Variants in KCNIP4 observed in about 807,000 individuals in gnomAD.
KCNIP4 encodes the protein Kv channel-interacting protein 4.
A neutral mutation model predicts 34.0 loss-of-function variants in KCNIP4; 12 were observed. The observed-to-expected ratio is 0.35, with a 90% CI of 0.23 to 0.57. The LOEUF (loss-of-function observed/expected upper bound fraction) is 0.57, where lower values mean the gene tolerates loss of function less well. Ranked by LOEUF, KCNIP4 falls within the 20% of genes least tolerant of loss-of-function variation. KCNIP4 has a pLI of 0.83. For synonymous variants in KCNIP4, 124 were observed against 102.2 expected, an observed-to-expected ratio of 1.21 and a Z score of -1.29; for missense variants, 238 against 311.7, an observed-to-expected ratio of 0.76 and a Z score of 1.78.
At chr4:21,137,557 T>C (rs979465310) in intron 1 of KCNIP4, among the ~76,000 whole-genome samples, 1 of 152,212 alleles carries the variant, frequency 6.6e-6, no homozygotes, top group Non-Finnish European at 1.5e-5. Context: ...TCTTATCATC[T>C]AGTCAAAATG....
intron 1 of KCNIP4, among the ~76,000 whole-genome samples, chr4:20,996,129 A>G (rs1313092590): frequency 2.0e-5 from 3 of 152,296 alleles, no homozygotes; most frequent in Middle Eastern, 3.4e-3. Flanking sequence ...AAATCCAATC[A>G]ACAAATCCCA....
intron 1 of KCNIP4, among the ~76,000 whole-genome samples, chr4:20,982,053 A>G (rs900472485): frequency 7.9e-5 from 12 of 152,232 alleles, no homozygotes; most frequent in African/African-American, 2.7e-4. Flanking sequence ...ACTTTAAGTG[A>G]TATGAAACAG....
chr4:21,457,447 A>T (rs1729051060), intron 1 of KCNIP4, among the ~76,000 whole-genome samples: 1 of 152,040 alleles, frequency 6.6e-6, no homozygotes, highest in African/African-American at 2.4e-5. Flanking sequence ...ATTTTCAGAG[A>T]ATCCTTCAAC....
In KCNIP4 at chr4:21,132,524, A is replaced by G. The variant is rs551514922; in HGVS notation, c.62-249815T>C. The stretch of plus-strand genomic sequence containing the variant: ...ATTAAAAGTGCCTCATTTCTCTCTC[A>G]GAGGTGTCTTGGTTTTGAAAATAAT... On this transcript the variant is annotated intron_variant, in intron 1 of 8. Coordinates refer to ENST00000382152, the MANE Select transcript of KCNIP4 (RefSeq NM_025221.6). 1.5e-3 allele frequency among the ~76,000 whole-genome samples: 224 copies of G among 152,252 alleles called. 1 individual carries two copies. Among genetic ancestry groups the G allele is most frequent in the African/African-American group, 5.1e-3 (210 of 41,548 alleles).
intron 1 of KCNIP4, among the ~76,000 whole-genome samples, chr4:21,167,005 C>T (rs1233044842): frequency 7.1e-6 from 1 of 140,602 alleles, no homozygotes; most frequent in East Asian, 2.2e-4. Flanking sequence ...AACTGTTGTA[C>T]ATTTCTATAA....
At chr4:20,984,908 G>T (rs1260991152) in intron 1 of KCNIP4, among the ~76,000 whole-genome samples, 1 of 151,404 alleles carries the variant, frequency 6.6e-6, no homozygotes, top group African/African-American at 2.5e-5. Flanking sequence ...TGGAGTGTGT[G>T]TTATTAAGAA....
At chr4:20,776,134 AAAT>A (rs1385254978) in intron 3 of KCNIP4, among the ~76,000 whole-genome samples, 1 of 152,152 alleles carries the variant, frequency 6.6e-6, no homozygotes, top group Non-Finnish European at 1.5e-5. Flanking sequence ...ATTTATTTGC[AAAT>A]ATTATGAAGG....
intron 1 of KCNIP4, among the ~76,000 whole-genome samples, chr4:21,779,655 G>C (rs556176305): frequency 6.6e-6 from 1 of 152,244 alleles, no homozygotes; most frequent in African/African-American, 2.4e-5. Flanking sequence ...TGTAATCCCA[G>C]TGCTTTGTGA....
intron 1 of KCNIP4, among the ~76,000 whole-genome samples, chr4:21,207,817 T>C (rs1756949182): frequency 6.8e-6 from 1 of 147,688 alleles, no homozygotes; most frequent in Admixed American, 6.8e-5. Flanking sequence ...TTTCATTTTC[T>C]TTTTTTTTTC....
In KCNIP4 at chr4:21,388,349, C is replaced by T. The variant is rs1414526245; in HGVS notation, c.62-505640G>A. ...AACTATACCTCTGAATCTGAATTTT[C>T]TAGGCTGTATATGACATAAGAAGTG... On this transcript the variant is annotated intron_variant, in intron 1 of 8. Transcript: ENST00000382152. Among the ~76,000 whole-genome samples the T allele has an allele frequency of 2.0e-5, 3 of 151,534 alleles. No homozygotes were observed. The East Asian group carries it at 5.8e-4, about 29-fold the overall frequency.
At chr4:21,452,790 GA>G (rs938491873) in intron 1 of KCNIP4, among the ~76,000 whole-genome samples, 46 of 149,940 alleles carry the variant, frequency 3.1e-4, no homozygotes, top group Admixed American at 4.7e-4. Context: ...AAAAGAGAAG[GA>G]AAAAAAACAG....
At chr4:21,667,653 C>T (rs768550755) in intron 1 of KCNIP4, among the ~76,000 whole-genome samples, 2 of 152,206 alleles carry the variant, frequency 1.3e-5, no homozygotes, top group African/African-American at 2.4e-5. Flanking sequence ...ATGACCACTT[C>T]CTTATTCCAC....
At chr4:21,450,120 G>T (rs528337161) in intron 1 of KCNIP4, among the ~76,000 whole-genome samples, 3 of 152,204 alleles carry the variant, frequency 2.0e-5, no homozygotes, top group South Asian at 4.1e-4. Context: ...AACAAAGGAT[G>T]CCAGGGAAGC....
intron 1 of KCNIP4, among the ~76,000 whole-genome samples, chr4:20,896,147 C>T (rs1011905271): frequency 6.6e-6 from 1 of 152,100 alleles, no homozygotes; most frequent in Non-Finnish European, 1.5e-5. Context: ...AGGAGCTGCC[C>T]CTTTCACACA....
chr4:20,944,413 A>G (rs1731973080), intron 1 of KCNIP4, among the ~76,000 whole-genome samples: 1 of 152,222 alleles, frequency 6.6e-6, no homozygotes, highest in African/African-American at 2.4e-5. Flanking sequence ...CTACTGAGCA[A>G]TCAGCTATGA....
intron 1 of KCNIP4, among the ~76,000 whole-genome samples, chr4:21,054,848 T>C (rs2108956959): frequency 6.6e-6 from 1 of 152,208 alleles, no homozygotes; most frequent in Non-Finnish European, 1.5e-5. Context: ...CTAGAAGACC[T>C]TGAGAATGGT....
intron 1 of KCNIP4, among the ~76,000 whole-genome samples, chr4:21,465,377 C>G (rs564211311): frequency 6.6e-6 from 1 of 152,212 alleles, no homozygotes; most frequent in Non-Finnish European, 1.5e-5. Context: ...TTTCTGTCCA[C>G]AGGATTCTCT....
chr4:21,342,316 TA>T, intron 1 of KCNIP4, among the ~76,000 whole-genome samples: 1 of 152,174 alleles, frequency 6.6e-6, no homozygotes, highest in East Asian at 1.9e-4. Flanking sequence ...CCCCTAGGGG[TA>T]AAATAATTGA....
chr4:21,841,695 G>C (rs1398830), intron 1 of KCNIP4, among the ~76,000 whole-genome samples: 52,836 of 151,904 alleles, frequency 0.35, 10,944 homozygotes, highest in East Asian at 0.65. Context: ...AGGTTGTTTT[G>C]AAATTTTCTG....
Sources: gnomAD v4.1 joint callset for allele counts (sites outside exome capture counted in the v4.1 genomes callset) on GRCh38, gnomAD v4.1.1 for gene constraint, MANE v1.5 for transcripts, NCBI Gene and HGNC (gene_info 2026-07-23, HGNC 2026-07-21) for gene names.